The following TRIM54 variants were observed in gnomAD, a reference collection of about 807,000 sequenced individuals.
TRIM54 encodes tripartite motif-containing protein 54.
TRIM54 carries 40 observed loss-of-function variants against 42.0 expected under a neutral mutation model. The observed-to-expected ratio is 0.95, with a 90% CI of 0.74 to 1.24. The LOEUF (loss-of-function observed/expected upper bound fraction) is 1.24. Among genes scored for constraint, TRIM54 ranks in the 50% most tolerant of loss-of-function variants. The pLI, the probability that TRIM54 is intolerant of heterozygous loss-of-function variation, is 0.00. For missense variants in TRIM54, 485 were observed against 480.3 expected, an observed-to-expected ratio of 1.01 and a Z score of -0.09; for synonymous variants, 199 against 194.9, an observed-to-expected ratio of 1.02 and a Z score of -0.17.
At chr2:27,295,463 G>T (rs908280379) in intron 1 of TRIM54, among the ~76,000 whole-genome samples, 11 of 152,034 alleles carry the variant, frequency 7.2e-5, no homozygotes, top group African/African-American at 2.7e-4. Context: ...GCCTGCCACC[G>T]CACCCAGCTA....
intron 1 of TRIM54, among the ~76,000 whole-genome samples, chr2:27,291,406 T>C (rs1211824578): frequency 6.6e-6 from 1 of 152,210 alleles, no homozygotes; most frequent in Non-Finnish European, 1.5e-5. Context: ...AAATATTTAC[T>C]TTATCCTTAT....
intron 1 of TRIM54, among the ~76,000 whole-genome samples, chr2:27,283,790 A>G (rs541550488): frequency 1.2e-4 from 18 of 145,688 alleles, no homozygotes; most frequent in South Asian, 1.1e-3. Flanking sequence ...GCGCGCACAC[A>G]CACACACACA....
chr2:27,293,443 T>C (rs537056491), intron 1 of TRIM54, among the ~76,000 whole-genome samples: 6 of 152,212 alleles, frequency 3.9e-5, no homozygotes, highest in Non-Finnish European at 8.8e-5. Flanking sequence ...GTGATTTATC[T>C]ACCATAGAGG....
At chr2:27,302,574 T>TTAA (rs1679065277) in intron 3 of TRIM54, among the ~76,000 whole-genome samples, 1 of 151,974 alleles carries the variant, frequency 6.6e-6, no homozygotes, top group Non-Finnish European at 1.5e-5. Flanking sequence ...AACGGATCAC[T>TTAA]TAAGGTCAGG....
At position 27,305,718 on chromosome 2, in the gene TRIM54, C is replaced by T. The variant is rs757052930; in HGVS notation, c.744C>T (p.Gly248=). ...EQEEKLQRVR[G]LIRQYGDHLE... The stretch of plus-strand genomic sequence containing the variant: ...AGGAGAAGCTGCAGCGCGTCCGCGG[C>T]CTCATCCGTCAGTATGGCGACCACC... The change falls in exon 5 of 9, where the codon GGC becomes GGT. Residue 248 remains glycine, a synonymous_variant. Transcript: ENST00000380075. 6.2e-7 allele frequency: 1 copy of T among 1,612,232 alleles called. No individual in the cohort carries two copies. Among genetic ancestry groups the T allele is most frequent in the Admixed American group, 1.7e-5 (1 of 59,878 alleles).
chr2:27,305,130 C>T, intron 4 of TRIM54, 76 bp downstream of exon 4: 1 of 1,276,250 alleles, frequency 7.8e-7, no homozygotes, highest in Non-Finnish European at 1.1e-6. Context: ...AGAACTGCTC[C>T]TCTCTGACCT....
In TRIM54 at chr2:27,283,766, ACACACACACACACGCGCG is replaced by A. The variant is rs1553379037; in HGVS notation, c.168+881_168+898del. ...ATCAGGGAGAGTGAGGGGCAAAGGC[ACACACACACACACGCGCG>A]CACACACACACACACACACACACAC... On this transcript the variant is annotated intron_variant, in intron 1 of 8. Coordinates refer to ENST00000380075, the MANE Select transcript of TRIM54 (RefSeq NM_187841.3). Among the ~76,000 whole-genome samples the A allele has an allele frequency of 1.7e-3, 150 of 88,704 alleles. 1 individual carries two copies. Among genetic ancestry groups the A allele is most frequent in the African/African-American group, 8.9e-3 (138 of 15,534 alleles). 58.2% of individuals were successfully genotyped at this position (88,704 alleles called of 152,430 possible). A position where few individuals can be genotyped will look rare whatever the true frequency, so the allele number is the denominator to read the frequency against.
intron 1 of TRIM54, among the ~76,000 whole-genome samples, chr2:27,291,505 T>G (rs571141617): frequency 2.6e-5 from 4 of 152,348 alleles, no homozygotes; most frequent in Admixed American, 6.5e-5. Flanking sequence ...TAAAAAATCT[T>G]GAACATCCAT....
chr2:27,282,638 A>T lies in TRIM54; in HGVS notation c.-94A>T. The T allele has an allele frequency of 7.3e-7, 1 of 1,372,984 alleles. No homozygotes were observed. Among genetic ancestry groups the T allele is most frequent in the African/African-American group, 1.5e-5 (1 of 68,418 alleles). 85.1% of individuals were successfully genotyped at this position (1,372,984 alleles called of 1,614,324 possible). On this transcript the variant is annotated 5_prime_UTR_variant, in exon 1 of 9. Coordinates refer to ENST00000380075, the MANE Select transcript of TRIM54 (RefSeq NM_187841.3). ...GAGCTATTTCAAGAGTGAGCCACAG[A>T]AGGGAATCCAGAGGCCATCTAAGCG...
intron 1 of TRIM54, among the ~76,000 whole-genome samples, chr2:27,296,230 C>T (rs532136671): frequency 5.9e-4 from 90 of 152,326 alleles, no homozygotes; most frequent in African/African-American, 2.0e-3. Context: ...TGCACACACG[C>T]AAGGGGCCTT....
chr2:27,302,383 T>C (rs1188774436), intron 3 of TRIM54, among the ~76,000 whole-genome samples: 1 of 150,960 alleles, frequency 6.6e-6, no homozygotes, highest in Non-Finnish European at 1.5e-5. Context: ...GAGGCAGAGC[T>C]TGCAGTGAGC....
rs41288823 is a variant in TRIM54, at chr2:27,305,636, G to A, written c.662G>A (p.Cys221Tyr). The A allele has an allele frequency of 6.5e-4, 1,048 of 1,613,674 alleles. No homozygotes were observed. The highest frequency in any genetic ancestry group is 8.4e-4 in the Non-Finnish European group (986 of 1,179,954). Reference sequence around the variant, plus strand: ...TTAAACCAGAGGTTTGAGAGCCTGTGCGCAGTGCTGGAGGAGCGCAAGGGT... The same window carrying A: ...TTAAACCAGAGGTTTGAGAGCCTGTACGCAGTGCTGGAGGAGCGCAAGGGT... Reference protein sequence around the residue: ...QLLNQRFESLCAVLEERKGEL... With the variant: ...QLLNQRFESLYAVLEERKGEL... Residue 221 changes from cysteine (C) to tyrosine (Y), a missense_variant, in exon 5 of 9, where the codon TGC becomes TAC. Physicochemically the swap from Cys to Tyr is radical, Grantham distance 194. Transcript: ENST00000380075.
intron 1 of TRIM54, among the ~76,000 whole-genome samples, chr2:27,298,202 T>C (rs189387870): frequency 1.1e-3 from 173 of 152,108 alleles, no homozygotes; most frequent in African/African-American, 3.9e-3. Flanking sequence ...CTGGAAGACA[T>C]TGGTCGCACC....
At chr2:27,286,311 C>T (rs1678557693) in intron 1 of TRIM54, among the ~76,000 whole-genome samples, 1 of 152,000 alleles carries the variant, frequency 6.6e-6, no homozygotes, top group African/African-American at 2.4e-5. Flanking sequence ...CCCATGTCCG[C>T]AAACATTTTT....
At chr2:27,283,660 C>T (rs1678447631) in intron 1 of TRIM54, among the ~76,000 whole-genome samples, 1 of 151,188 alleles carries the variant, frequency 6.6e-6, no homozygotes, top group South Asian at 2.1e-4. Flanking sequence ...GCAGCATATA[C>T]CAGAATGGAT....
chr2:27,306,449 G>A lies in TRIM54; in HGVS notation c.992-7G>A. On this transcript the variant is annotated splice_polypyrimidine_tract_variant and splice_region_variant and intron_variant, in intron 7 of 8. Coordinates refer to ENST00000380075, the MANE Select transcript of TRIM54 (RefSeq NM_187841.3). This position sits in a 1 kb window ranked among gnomAD's most constrained non-coding sequence, Gnocchi z 6.1. ...ACTCCACCTCACCAGGCCTTCCTTG[G>A]GCTCAGGCGCTTCCGGGGAGGAAGA... is the stretch of plus-strand genomic sequence containing the variant. 1 of 1,602,038 alleles carries A rather than the reference G, an allele frequency of 6.2e-7. No individual in the cohort carries two copies. Among genetic ancestry groups the A allele is most frequent in the Non-Finnish European group, 8.5e-7 (1 of 1,174,278 alleles).
At chr2:27,284,945 T>C (rs1678515523) in intron 1 of TRIM54, among the ~76,000 whole-genome samples, 1 of 152,202 alleles carries the variant, frequency 6.6e-6, no homozygotes, top group Non-Finnish European at 1.5e-5. Flanking sequence ...GCACACTGTT[T>C]CAGTTCCAGA....
Position 27,299,250 on chromosome 2 carries a change from T to C in TRIM54, c.347T>C (p.Leu116Pro), listed in dbSNP as rs1678956179. Residue 116 changes from leucine to proline, a missense_variant, in exon 3 of 9, where the codon CTG becomes CCG. Leu to Pro is a moderately conservative substitution (Grantham distance 98). Coordinates refer to ENST00000380075, the MANE Select transcript of TRIM54 (RefSeq NM_187841.3). The stretch of plus-strand genomic sequence containing the variant: ...CCCTGCCCACTCCTCTCTAGGCCGC[T>C]GCACTCCAAGGCTGAGCAGCACCTC... Reference protein sequence around the residue: ...DIYKQESSRPLHSKAEQHLMC... With the variant: ...DIYKQESSRPPHSKAEQHLMC... The C allele has an allele frequency of 6.2e-7, 1 of 1,613,946 alleles. No individual in the cohort carries two copies. Among genetic ancestry groups the C allele is most frequent in the Non-Finnish European group, 8.5e-7 (1 of 1,180,042 alleles).
At chr2:27,298,858 A>G (rs1678945819) in intron 2 of TRIM54, 119 bp downstream of exon 2, 2 of 1,117,862 alleles carry the variant, frequency 1.8e-6, no homozygotes, top group Non-Finnish European at 2.5e-6. Flanking sequence ...TCTAGAGACC[A>G]TAGGACTGGA....
Sources: allele counts gnomAD v4.1 joint callset (sites outside exome capture counted in the v4.1 genomes callset), GRCh38; gene constraint gnomAD v4.1.1; non-coding constraint Gnocchi (gnomAD v3.1); transcripts MANE v1.5; gene names NCBI Gene and HGNC (gene_info 2026-07-23, HGNC 2026-07-21).